GALNT9: variants seen among roughly 807,000 people sequenced by gnomAD.
GALNT9 encodes polypeptide N-acetylgalactosaminyltransferase 9.
In GALNT9, 47 loss-of-function variants were observed where a neutral mutation model predicts 63.1. The observed-to-expected ratio is 0.75, with a 90% confidence interval of 0.59 to 0.95. The LOEUF (loss-of-function observed/expected upper bound fraction) is 0.95. Ranked by LOEUF, GALNT9 falls within the 40% of genes least tolerant of loss-of-function variation. GALNT9 has a pLI of 0.00. For synonymous variants in GALNT9, 396 were observed against 365.7 expected (o/e 1.08, Z -0.94); for missense variants, 829 against 874.8 (o/e 0.95, Z 0.66).
chr12:132,239,311 CTG>C (rs1878124824), intron 6 of GALNT9, among the ~76,000 whole-genome samples: 2 of 79,956 alleles, frequency 2.5e-5, no homozygotes, highest in East Asian at 4.1e-4. Flanking sequence ...GAGACACACA[CTG>C]AGAGACTGAG....
intron 1 of GALNT9, among the ~76,000 whole-genome samples, chr12:132,324,218 G>A (rs2135593602): frequency 6.6e-6 from 1 of 152,172 alleles, no homozygotes; most frequent in East Asian, 1.9e-4. Flanking sequence ...GACACCCTCC[G>A]GAGCTCTCGA....
intron 2 of GALNT9, among the ~76,000 whole-genome samples, chr12:132,267,767 GCACT>G (rs1879667494): frequency 7.9e-6 from 1 of 126,580 alleles, no homozygotes; most frequent in Admixed American, 7.3e-5. Context: ...ACACACACAT[GCACT>G]CACACACACG....
intron 1 of GALNT9, among the ~76,000 whole-genome samples, chr12:132,322,967 C>G (rs1386441769): frequency 6.6e-6 from 1 of 152,222 alleles, no homozygotes; most frequent in Non-Finnish European, 1.5e-5. Context: ...GGGGCACTTC[C>G]TCGGGCTCGA....
At chr12:132,251,002 C>T (rs1257344679) in intron 5 of GALNT9, among the ~76,000 whole-genome samples, 1 of 152,168 alleles carries the variant, frequency 6.6e-6, no homozygotes, top group Non-Finnish European at 1.5e-5. Context: ...AGACACAATC[C>T]ACGGAGAAGC....
intron 1 of GALNT9, among the ~76,000 whole-genome samples, chr12:132,292,500 G>C (rs1284697712): frequency 2.0e-5 from 3 of 152,222 alleles, no homozygotes; most frequent in African/African-American, 7.2e-5. Flanking sequence ...CCTGCTGTAA[G>C]GTCCTGGTCT....
At chr12:132,221,217 G>A (rs1238771980) in intron 6 of GALNT9, among the ~76,000 whole-genome samples, 1 of 145,202 alleles carries the variant, frequency 6.9e-6, no homozygotes, top group Non-Finnish European at 1.5e-5. Flanking sequence ...GCTGGGTGTG[G>A]TGGTGGGCAC....
chr12:132,215,103 C>T (rs1244162377), intron 6 of GALNT9, among the ~76,000 whole-genome samples: 2 of 152,224 alleles, frequency 1.3e-5, no homozygotes, highest in African/African-American at 2.4e-5. Context: ...GGAGGAAACG[C>T]GACACAATCG....
chr12:132,270,473 C>T (rs1307653604), intron 2 of GALNT9, among the ~76,000 whole-genome samples: 2 of 152,238 alleles, frequency 1.3e-5, no homozygotes, highest in African/African-American at 4.8e-5. Flanking sequence ...GATAAAACCC[C>T]AGGGACAGGA....
At chr12:132,311,325 T>C (rs1333328107) in intron 1 of GALNT9, among the ~76,000 whole-genome samples, 1 of 152,188 alleles carries the variant, frequency 6.6e-6, no homozygotes, top group East Asian at 1.9e-4. Context: ...CTGGGGGACC[T>C]GCCTTCAGGA....
chr12:132,206,903 G>GA (rs991344938), intron 6 of GALNT9, among the ~76,000 whole-genome samples: 2 of 152,012 alleles, frequency 1.3e-5, no homozygotes, highest in African/African-American at 4.8e-5. Flanking sequence ...CACCTCCACA[G>GA]AAAAAAACAA....
chr12:132,289,894 C>T (rs184150852), intron 1 of GALNT9, among the ~76,000 whole-genome samples: 1 of 152,288 alleles, frequency 6.6e-6, no homozygotes, highest in Non-Finnish European at 1.5e-5. Context: ...CAGGACTGTG[C>T]AGATGGTGGA....
intron 6 of GALNT9, among the ~76,000 whole-genome samples, chr12:132,244,994 C>T (rs1878653158): frequency 2.0e-5 from 3 of 148,570 alleles, no homozygotes; most frequent in South Asian, 2.2e-4. Context: ...GGGGAGAGGT[C>T]GGGGGAGAGG....
At chr12:132,204,000 T>C (rs1165589447) in intron 6 of GALNT9, among the ~76,000 whole-genome samples, 1 of 151,982 alleles carries the variant, frequency 6.6e-6, no homozygotes, top group African/African-American at 2.4e-5. Flanking sequence ...CACCCTGTGG[T>C]TCCCACCCCC....
In GALNT9 at chr12:132,196,987, G is replaced by A. The variant is rs1353082624; in HGVS notation, c.*120C>T. ...ACACCCCGGCCCCTCAGCCTCTGCT[G>A]TCCTGGCCGCACATAGAGCCCTGTC... is the stretch of plus-strand genomic sequence containing the variant. On this transcript the variant is annotated 3_prime_UTR_variant, in exon 11 of 11. Transcript: ENST00000328957. 37 of 1,528,474 alleles carry A rather than the reference G, an allele frequency of 2.4e-5. No individual in the cohort carries two copies. In the Admixed American group the frequency reaches 7.1e-4, roughly 29 times the overall value. The allele number at this position is 1,528,474 out of a possible 1,614,324, so 94.7% of individuals were successfully genotyped here.
chr12:132,264,001 G>A (rs1879504079), intron 2 of GALNT9, among the ~76,000 whole-genome samples: 2 of 152,190 alleles, frequency 1.3e-5, no homozygotes, highest in African/African-American at 2.4e-5. Context: ...GACCGTTCCC[G>A]GGGGCCTCCA....
intron 1 of GALNT9, among the ~76,000 whole-genome samples, chr12:132,295,600 T>C (rs1881027168): frequency 6.6e-6 from 1 of 152,032 alleles, no homozygotes; most frequent in South Asian, 2.1e-4. Flanking sequence ...GAGACCGGAA[T>C]GATGTGGCCC....
intron 6 of GALNT9, among the ~76,000 whole-genome samples, chr12:132,221,714 C>A (rs1440834569): frequency 2.0e-5 from 3 of 148,522 alleles, no homozygotes; most frequent in Admixed American, 2.0e-4. Flanking sequence ...TATGCAACGC[C>A]CCATAACGGA....
At chr12:132,323,788 A>G (rs1409865560) in intron 1 of GALNT9, among the ~76,000 whole-genome samples, 1 of 152,166 alleles carries the variant, frequency 6.6e-6, no homozygotes, top group African/African-American at 2.4e-5. Context: ...ATCCACAATC[A>G]TGGGGAAGCT....
rs1555240116 is a variant in GALNT9, at chr12:132,265,540, A to G, written c.420-2915T>C. On this transcript the variant is annotated intron_variant, in intron 2 of 10. Transcript: ENST00000328957. This position sits in a 1 kb window ranked among gnomAD's most constrained non-coding sequence, Gnocchi z 5.3. ...GCAGGATCGGTAGGATGAGGAGGCC[A>G]CACTGACGTCCTTGTTCCCTGTGTG... Among the ~76,000 whole-genome samples the G allele has an allele frequency of 1.3e-5, 2 of 152,222 alleles. No homozygotes were observed.
Sources: allele counts gnomAD v4.1 joint callset (sites outside exome capture counted in the v4.1 genomes callset), GRCh38; gene constraint gnomAD v4.1.1; non-coding constraint Gnocchi (gnomAD v3.1); transcripts MANE v1.5; gene names NCBI Gene and HGNC (gene_info 2026-07-23, HGNC 2026-07-21).